The following CLEC6A variants were observed in gnomAD, a reference collection of about 807,000 sequenced individuals.
CLEC6A encodes C-type lectin domain containing 6A, also known as C-type lectin domain family 6 member A.
CLEC6A carries 22 observed loss-of-function variants against 25.7 expected under a neutral mutation model. The ratio of observed to expected loss-of-function variants is 0.85; its 90% CI spans 0.61 to 1.22. CLEC6A has a LOEUF of 1.22. CLEC6A is among the 50% of genes most tolerant of loss of function. CLEC6A has a pLI of 0.00. For missense variants in CLEC6A, 240 were observed against 236.8 expected (o/e 1.01, Z -0.09); for synonymous variants, 92 against 76.7 (o/e 1.20, Z -1.04).
intron 3 of CLEC6A, chr12:8,460,801 T>C (rs972090115): frequency 7.9e-7 from 1 of 1,264,508 alleles, no homozygotes; most frequent in Non-Finnish European, 1.2e-6. Context: ...TTACCTTATA[T>C]ATAGGATTCG....
Position 8,456,153 on chromosome 12 carries a change from C to T in CLEC6A, c.31+11C>T. 6.2e-7 allele frequency: 1 copy of T among 1,613,266 alleles called. No individual in the cohort carries two copies. Among genetic ancestry groups the T allele is most frequent in the Non-Finnish European group, 8.5e-7 (1 of 1,179,494 alleles). On this transcript the variant is annotated intron_variant, in intron 1 of 5. Coordinates refer to ENST00000382073, the MANE Select transcript of CLEC6A (RefSeq NM_001007033.2). The stretch of plus-strand genomic sequence containing the variant: ...AACCTCAAAGTACAGGTGAGTATTT[C>T]CTCAGTTTCAGAGGAAAGTGGAAGT...
chr12:8,474,657 C>T (rs762908439), intron 4 of CLEC6A, among the ~76,000 whole-genome samples: 1 of 152,170 alleles, frequency 6.6e-6, no homozygotes, highest in Non-Finnish European at 1.5e-5. Context: ...CGGGGCAATA[C>T]ACAACAAATA....
intron 4 of CLEC6A, among the ~76,000 whole-genome samples, chr12:8,467,198 G>T (rs998893764): frequency 2.6e-5 from 4 of 152,020 alleles, no homozygotes; most frequent in African/African-American, 9.7e-5. Context: ...TTAGTTTGGT[G>T]GAGTTCCATT....
chr12:8,475,725 A>C (rs1187201999), intron 4 of CLEC6A, among the ~76,000 whole-genome samples: 4 of 152,118 alleles, frequency 2.6e-5, no homozygotes, highest in Non-Finnish European at 4.4e-5. Context: ...TTACCAATTC[A>C]AATGCTAATC....
In CLEC6A at chr12:8,476,169, G is replaced by A. The variant is rs1035714792; in HGVS notation, c.414G>A (p.Leu138=). Residue 138 remains leucine (L), a synonymous_variant, in exon 5 of 6, where the codon CTG becomes CTA. Transcript: ENST00000382073. Reference sequence around the variant, plus strand: ...TGAATGAGTCATTTTCTTATTTTCTGGGGCTTTCAGACCCACAAGGTAATA... The same window carrying A: ...TGAATGAGTCATTTTCTTATTTTCTAGGGCTTTCAGACCCACAAGGTAATA... ...QQLNESFSYF[L]GLSDPQGNNN... The A allele has an allele frequency of 6.2e-7, 1 of 1,609,748 alleles. No homozygotes were observed. Among genetic ancestry groups the A allele is most frequent in the Non-Finnish European group, 8.5e-7 (1 of 1,178,756 alleles).
chr12:8,463,113 C>T (rs898562172), intron 3 of CLEC6A, among the ~76,000 whole-genome samples: 5 of 68,976 alleles, frequency 7.2e-5, no homozygotes, highest in Non-Finnish European at 1.4e-4. Flanking sequence ...CATCATTTTT[C>T]TATCCCCTTG....
chr12:8,467,680 T>A (rs1017706880), intron 4 of CLEC6A, among the ~76,000 whole-genome samples: 3 of 152,226 alleles, frequency 2.0e-5, no homozygotes, highest in Non-Finnish European at 2.9e-5. Context: ...GATTTCTTGA[T>A]ATTCCATATG....
chr12:8,461,496 A>G (rs1286405489), intron 3 of CLEC6A, among the ~76,000 whole-genome samples: 2 of 152,238 alleles, frequency 1.3e-5, no homozygotes, highest in African/African-American at 4.8e-5. Context: ...CTGGCATAAG[A>G]GACTGTTCAT....
At chr12:8,465,693 A>G in intron 4 of CLEC6A, 64 bp downstream of exon 4, 1 of 1,445,254 alleles carries the variant, frequency 6.9e-7, no homozygotes. Context: ...ATTTACTGTC[A>G]TAACCATTTT....
At chr12:8,461,938 GA>G (rs1266125141) in intron 3 of CLEC6A, among the ~76,000 whole-genome samples, 1 of 152,186 alleles carries the variant, frequency 6.6e-6, no homozygotes, top group African/African-American at 2.4e-5. Context: ...ATTTTGTGGG[GA>G]AAAGAAAGAG....
At chr12:8,456,478 G>A (rs1249715719) in intron 1 of CLEC6A, among the ~76,000 whole-genome samples, 1 of 152,152 alleles carries the variant, frequency 6.6e-6, no homozygotes, top group African/African-American at 2.4e-5. Flanking sequence ...AATCCAGGAA[G>A]CAGTACTCTT....
In CLEC6A at chr12:8,456,127, C is replaced by G. The variant is rs1939672705; in HGVS notation, c.16C>G (p.Gln6Glu). The change falls in exon 1 of 6, where the codon CAA becomes GAA. Residue 6 changes from glutamine (Q) to glutamate (E), a missense_variant. Gln to Glu is a conservative substitution (Grantham distance 29). Coordinates refer to ENST00000382073, the MANE Select transcript of CLEC6A (RefSeq NM_001007033.2). MMQEQQPQSTEKRGWL... is the reference protein window; with the variant it reads MMQEQEPQSTEKRGWL... ...AGCCTGCATAATGATGCAAGAGCAG[C>G]AACCTCAAAGTACAGGTGAGTATTT... 2.5e-6 allele frequency: 4 copies of G among 1,613,650 alleles called. No individual in the cohort carries two copies. The highest frequency in any genetic ancestry group is 3.3e-5 in the Admixed American group (2 of 59,992).
At chr12:8,456,204 G>A in intron 1 of CLEC6A, 62 bp downstream of exon 1, 1 of 1,514,588 alleles carries the variant, frequency 6.6e-7, no homozygotes, top group South Asian at 1.1e-5. Flanking sequence ...ATCACCTGGA[G>A]AGAAGAAGTA....
chr12:8,463,424 T>C (rs1939790305), intron 3 of CLEC6A, among the ~76,000 whole-genome samples: 1 of 152,234 alleles, frequency 6.6e-6, no homozygotes, highest in South Asian at 2.1e-4. Context: ...CAACACCAAT[T>C]CATCTCCTAT....
intron 4 of CLEC6A, among the ~76,000 whole-genome samples, chr12:8,472,473 G>A (rs1939918556): frequency 6.6e-6 from 1 of 152,180 alleles, no homozygotes; most frequent in Non-Finnish European, 1.5e-5. Flanking sequence ...CCTTCCAAGA[G>A]AGATGCTTAG....
intron 4 of CLEC6A, among the ~76,000 whole-genome samples, chr12:8,473,485 C>T (rs1310570135): frequency 6.6e-6 from 1 of 152,098 alleles, no homozygotes; most frequent in African/African-American, 2.4e-5. Context: ...CATTGATAGG[C>T]ACCTAGGTCG....
At chr12:8,456,842 G>C (rs542734600) in intron 1 of CLEC6A, among the ~76,000 whole-genome samples, 34 of 152,206 alleles carry the variant, frequency 2.2e-4, no homozygotes, top group African/African-American at 7.5e-4. Context: ...AGGCTCAGTG[G>C]CTCACACCTG....
chr12:8,460,992 C>A, intron 3 of CLEC6A: 1 of 1,241,316 alleles, frequency 8.1e-7, no homozygotes, highest in Non-Finnish European at 1.2e-6. Context: ...GTGAAGATTC[C>A]ACATAAAAAT....
intron 4 of CLEC6A, among the ~76,000 whole-genome samples, chr12:8,472,527 A>T (rs909463694): frequency 6.6e-6 from 1 of 152,164 alleles, no homozygotes; most frequent in Admixed American, 6.6e-5. Flanking sequence ...CAGTATGAGG[A>T]AGGATTATGG....
Sources: gnomAD v4.1 joint callset for allele counts (sites outside exome capture counted in the v4.1 genomes callset) on GRCh38, gnomAD v4.1.1 for gene constraint, MANE v1.5 for transcripts, NCBI Gene and HGNC (gene_info 2026-07-23, HGNC 2026-07-21) for gene names.